GET1: variants seen among roughly 807,000 people sequenced by gnomAD.
GET1 encodes the protein congenital heart disease 5 protein.
In GET1, 20 loss-of-function variants were observed where a neutral mutation model predicts 22.6. The observed-to-expected ratio is 0.89, with a 90% CI of 0.62 to 1.29. The LOEUF is 1.29. Ranked by LOEUF, GET1 falls within the 50% of genes most tolerant of loss-of-function variation. The pLI is 0.00. For missense variants in GET1, 209 were observed against 219.9 expected (o/e 0.95, Z 0.31); for synonymous variants, 92 against 83.8 (o/e 1.10, Z -0.53).
At chr21:39,388,676 G>A (rs1216323855) in intron 1 of GET1, among the ~76,000 whole-genome samples, 1 of 152,216 alleles carries the variant, frequency 6.6e-6, no homozygotes, top group Non-Finnish European at 1.5e-5. Context: ...TGCCAGAGGC[G>A]CCACTGAGGG....
exon 2 of GET1, chr21:39,428,343 A>C (rs1205922339): frequency 6.2e-7 from 1 of 1,613,562 alleles, no homozygotes; most frequent in Non-Finnish European, 8.5e-7. Flanking sequence ...GATCTGCTAT[A>C]ATCAACACTC....
intron 1 of GET1, among the ~76,000 whole-genome samples, chr21:39,383,014 A>C (rs1337659871): frequency 2.0e-5 from 3 of 151,958 alleles, no homozygotes; most frequent in East Asian, 1.9e-4. Flanking sequence ...GCAGTAGCGC[A>C]GTCTCGGCTC....
downstream of GET1, chr21:39,410,176 A>G (rs1373180800): frequency 1.9e-5 from 24 of 1,253,922 alleles, 1 homozygote; most frequent in Non-Finnish European, 2.8e-5. Flanking sequence ...AATGACTACA[A>G]ATACTTTTCA....
chr21:39,414,738 CTCTCTGTGTGTGTGTGTGTGTGTG>C (rs2040796121), intron 1 of GET1, among the ~76,000 whole-genome samples: 1 of 107,328 alleles, frequency 9.3e-6, no homozygotes, highest in South Asian at 3.5e-4. Flanking sequence ...CTCTCTCTCT[CTCTCTGTGTGTGTGTGTGTGTGTG>C]TGTGTGTGTG....
At chr21:39,381,040 C>G (rs775766837) in intron 1 of GET1, 94 of 757,632 alleles carry the variant, frequency 1.2e-4, no homozygotes, top group Non-Finnish European at 1.5e-4. Flanking sequence ...AGTACATTAC[C>G]TCTGTCTCAC....
chr21:39,387,135 C>T (rs1052702092), intron 1 of GET1, among the ~76,000 whole-genome samples: 1 of 152,212 alleles, frequency 6.6e-6, no homozygotes, highest in East Asian at 1.9e-4. Flanking sequence ...GCTGGGATTA[C>T]TGCACTGCGC....
intron 1 of GET1, chr21:39,386,202 G>A (rs1569032115): frequency 6.6e-6 from 1 of 152,292 alleles, no homozygotes; most frequent in Non-Finnish European, 1.5e-5. Flanking sequence ...TGAAGCGAGA[G>A]GAGGATATTG....
rs1449928202 is a variant in GET1 at position 39,380,460 on chromosome 21, A to C, written c.76A>C (p.Ile26Leu). ...CGTGTTTGGATGCAATGTTCTTAGGATCCTCCTCCCGTCCTTCTCATCCTT... is the reference window on the plus strand; with the variant it reads ...CGTGTTTGGATGCAATGTTCTTAGGCTCCTCCTCCCGTCCTTCTCATCCTT... ...SFVFGCNVLRILLPSFSSFMS... is the reference protein window; with the variant it reads ...SFVFGCNVLRLLLPSFSSFMS... Residue 26 changes from isoleucine to leucine, a missense_variant, in exon 1 of 5, where the codon ATC becomes CTC. Transcript: ENST00000649170. 23 of 1,612,988 alleles carry C rather than the reference A, an allele frequency of 1.4e-5. No homozygotes were observed. Among genetic ancestry groups the C allele is most frequent in the Non-Finnish European group, 1.9e-5 (23 of 1,179,652 alleles).
chr21:39,404,613 G>T (rs768465302), intron 4 of GET1, among the ~76,000 whole-genome samples: 2 of 151,786 alleles, frequency 1.3e-5, no homozygotes, highest in Non-Finnish European at 2.9e-5. Context: ...AGCTGGGTGT[G>T]GTGGTGCATG....
intron 1 of GET1, among the ~76,000 whole-genome samples, chr21:39,412,701 G>A (rs986316132): frequency 5.9e-5 from 9 of 152,216 alleles, no homozygotes; most frequent in African/African-American, 1.7e-4. Flanking sequence ...TATTCAGGGG[G>A]TGAGAAACAT....
exon 2 of GET1, chr21:39,428,280 G>T (rs984151042): frequency 1.6e-5 from 26 of 1,610,064 alleles, no homozygotes; most frequent in African/African-American, 2.7e-5. Context: ...CAATCACAGA[G>T]AAAGTCTTCT....
chr21:39,404,976 C>T (rs1400089686), intron 4 of GET1, among the ~76,000 whole-genome samples: 1 of 151,690 alleles, frequency 6.6e-6, no homozygotes, highest in Non-Finnish European at 1.5e-5. Context: ...CCATTACAGG[C>T]ATGTGCCACC....
At chr21:39,420,679 T>G (rs751788685) in intron 1 of GET1, 1 of 1,588,782 alleles carries the variant, frequency 6.3e-7, no homozygotes, top group South Asian at 1.1e-5. Context: ...AGGATTTCAT[T>G]CTTACATTTT....
chr21:39,392,868 G>T, intron 3 of GET1: 5 of 279,426 alleles, frequency 1.8e-5, no homozygotes, highest in East Asian at 7.1e-5. Flanking sequence ...TGTGTAGATT[G>T]TGTTCATCCT....
At chr21:39,425,251 T>C (rs1326241490) in intron 1 of GET1, among the ~76,000 whole-genome samples, 1 of 152,180 alleles carries the variant, frequency 6.6e-6, no homozygotes, top group Non-Finnish European at 1.5e-5. Context: ...TGTGGACACA[T>C]CTGAGATGTG....
At chr21:39,401,774 C>G (rs140141237), downstream of GET1, among the ~76,000 whole-genome samples, 69 of 152,288 alleles carry the variant, frequency 4.5e-4, no homozygotes, top group African/African-American at 1.7e-3. Context: ...TGGTAGTTCT[C>G]ATAACATCTC....
chr21:39,392,316 A>G (rs1213237512), intron 3 of GET1, among the ~76,000 whole-genome samples: 1 of 152,062 alleles, frequency 6.6e-6, no homozygotes, highest in African/African-American at 2.4e-5. Flanking sequence ...CCTCTCCTGG[A>G]GCTGTTGGGC....
chr21:39,395,618 C>T (rs1438060066), intron 4 of GET1, among the ~76,000 whole-genome samples: 1 of 152,236 alleles, frequency 6.6e-6, no homozygotes, highest in African/African-American at 2.4e-5. Flanking sequence ...CCTGCCTTAT[C>T]CTCCCAAAGT....
intron 4 of GET1, among the ~76,000 whole-genome samples, chr21:39,404,750 C>CAAAAAAAAAAAAAAAAAAAAAAAAAA (rs748914343): frequency 1.1e-5 from 1 of 88,168 alleles, no homozygotes; most frequent in Non-Finnish European, 2.0e-5. Flanking sequence ...GAGACACTGT[C>CAAAAAAAAAAAAAAAAAAAAAAAAAA]AAAAAAAAAA....
Sources: gnomAD v4.1 joint callset for allele counts (sites outside exome capture counted in the v4.1 genomes callset) on GRCh38, gnomAD v4.1.1 for gene constraint, MANE v1.5 for transcripts, NCBI Gene and HGNC (gene_info 2026-07-23, HGNC 2026-07-21) for gene names.